The following C1orf159 variants were observed in gnomAD, a reference collection of about 807,000 sequenced individuals.
The protein encoded by C1orf159 is chromosome 1 open reading frame 159.
In C1orf159, 19 loss-of-function variants were observed where a neutral mutation model predicts 25.6. The observed-to-expected ratio is 0.74, with a 90% CI of 0.52 to 1.09. The LOEUF is 1.09. Among genes scored for constraint, C1orf159 ranks in the 50% least tolerant of loss-of-function variants. C1orf159 has a pLI of 0.00. For missense variants in C1orf159, 274 were observed against 290.6 expected (o/e 0.94, Z 0.42); for synonymous variants, 139 against 124.7 (o/e 1.12, Z -0.77).
intron 4 of C1orf159, among the ~76,000 whole-genome samples, chr1:1,088,890 C>CTCAG (rs1021108784): frequency 2.6e-5 from 4 of 152,226 alleles, no homozygotes; most frequent in African/African-American, 9.6e-5. Flanking sequence ...AGTCCACCCG[C>CTCAG]TCAGTCCTAC....
intron 1 of C1orf159, among the ~76,000 whole-genome samples, chr1:1,094,201 G>A (rs1173116753): frequency 1.3e-5 from 2 of 150,466 alleles, no homozygotes; most frequent in African/African-American, 2.5e-5. Flanking sequence ...GGGCTTACGC[G>A]ATACTCCTAC....
At chr1:1,095,671 C>T (rs1646000212) in intron 1 of C1orf159, among the ~76,000 whole-genome samples, 6 of 152,078 alleles carry the variant, frequency 3.9e-5, no homozygotes. Context: ...TTTTTTCTTA[C>T]CTTATTGCAG....
Position 1,087,608 on chromosome 1 carries a change from C to T in C1orf159, c.149-11G>A. The T allele has an allele frequency of 6.5e-7, 1 of 1,538,756 alleles. No homozygotes were observed. Among genetic ancestry groups the T allele is most frequent in the Non-Finnish European group, 8.8e-7 (1 of 1,142,704 alleles). Reference sequence around the variant, plus strand: ...AGCGCCTGTAACAGCCTGCGTGGGGCAGAGGACGGGCATGTCAGCCAAAGC... The same window carrying T: ...AGCGCCTGTAACAGCCTGCGTGGGGTAGAGGACGGGCATGTCAGCCAAAGC... On this transcript the variant is annotated splice_polypyrimidine_tract_variant and intron_variant, in intron 4 of 9. Transcript: ENST00000421241. The surrounding 1 kb of genome is among the most constrained non-coding windows in gnomAD (Gnocchi z 8.3).
chr1:1,089,919 C>T lies in C1orf159; in HGVS notation c.148+434G>A, dbSNP rs150978024. 1.9e-3 allele frequency among the ~76,000 whole-genome samples: 291 copies of T among 152,336 alleles called. No homozygotes were observed. The highest frequency in any genetic ancestry group is 5.2e-3 in the African/African-American group (215 of 41,580). On this transcript the variant is annotated intron_variant, in intron 4 of 9. Coordinates refer to ENST00000421241, the MANE Select transcript of C1orf159 (RefSeq NM_017891.5). This position sits in a 1 kb window ranked among gnomAD's most constrained non-coding sequence, Gnocchi z 7.5. ...GCACGCTGACACAGGCCGGCATCCT[C>T]GTGGCGTCCTGTTGATTGGCATTCC...
chr1:1,114,371 G>A (rs1646305167), intron 1 of C1orf159, among the ~76,000 whole-genome samples: 2 of 152,246 alleles, frequency 1.3e-5, no homozygotes, highest in South Asian at 2.1e-4. Context: ...TAGAGACGAG[G>A]TCTCCCTATG....
rs1247566196 is a variant in C1orf159, at chr1:1,087,882, C to A, written c.149-285G>T. Among the ~76,000 whole-genome samples, 1 of 150,588 alleles carries A rather than the reference C, an allele frequency of 6.6e-6. No individual in the cohort carries two copies. Among genetic ancestry groups the A allele is most frequent in the Non-Finnish European group, 1.5e-5 (1 of 67,288 alleles). Reference sequence around the variant, plus strand: ...CCGAGCACCCCGGCCCCGAGTACTCCACGCTGCACTCTCCACGCCGAGCAC... The same window carrying A: ...CCGAGCACCCCGGCCCCGAGTACTCAACGCTGCACTCTCCACGCCGAGCAC... On this transcript the variant is annotated intron_variant, in intron 4 of 9. Coordinates refer to ENST00000421241, the MANE Select transcript of C1orf159 (RefSeq NM_017891.5). The surrounding 1 kb of genome is among the most constrained non-coding windows in gnomAD (Gnocchi z 8.3).
chr1:1,087,677 G>T lies in C1orf159; in HGVS notation c.149-80C>A. On this transcript the variant is annotated intron_variant, in intron 4 of 9. Coordinates refer to ENST00000421241, the MANE Select transcript of C1orf159 (RefSeq NM_017891.5). This position sits in a 1 kb window ranked among gnomAD's most constrained non-coding sequence, Gnocchi z 8.3. ...GTCTCCTGGGAATGATTCTCTATTT[G>T]AGTTGGTGAGATAACTTTCATTCCA... 1 of 1,040,986 alleles carries T rather than the reference G, an allele frequency of 9.6e-7. No homozygotes were observed. The highest frequency in any genetic ancestry group is 1.5e-5 in the South Asian group (1 of 67,348). The allele number at this position is 1,040,986 out of a possible 1,614,324, so 64.5% of individuals were successfully genotyped here. A position where few individuals can be genotyped will look rare whatever the true frequency, so the allele number is the denominator to read the frequency against.
chr1:1,111,077 G>T (rs1188610573), intron 1 of C1orf159, among the ~76,000 whole-genome samples: 1 of 152,162 alleles, frequency 6.6e-6, no homozygotes, highest in African/African-American at 2.4e-5. Context: ...TGTAAATTAT[G>T]CCTTAGTAAC....
At position 1,087,607 on chromosome 1, in the gene C1orf159, G is replaced by T; in HGVS notation, c.149-10C>A. On this transcript the variant is annotated splice_polypyrimidine_tract_variant and intron_variant, in intron 4 of 9. Coordinates refer to ENST00000421241, the MANE Select transcript of C1orf159 (RefSeq NM_017891.5). This position sits in a 1 kb window ranked among gnomAD's most constrained non-coding sequence, Gnocchi z 8.3. ...CAGCGCCTGTAACAGCCTGCGTGGG[G>T]CAGAGGACGGGCATGTCAGCCAAAG... The T allele has an allele frequency of 6.5e-7, 1 of 1,538,762 alleles. No homozygotes were observed.
At chr1:1,091,045 ACC>A in intron 3 of C1orf159, 3 of 1,360,456 alleles carry the variant, frequency 2.2e-6, no homozygotes, top group Admixed American at 4.1e-5. Context: ...TAGAATCCAC[ACC>A]GCCAGGGAGG....
chr1:1,083,988 G>A (rs773647095), intron 9 of C1orf159: 26 of 1,604,800 alleles, frequency 1.6e-5, no homozygotes, highest in East Asian at 6.7e-5. Flanking sequence ...GGCGGAGGCC[G>A]GCTGCGTCTG....
In C1orf159 at chr1:1,087,750, C is replaced by A; in HGVS notation, c.149-153G>T. On this transcript the variant is annotated intron_variant, in intron 4 of 9. Coordinates refer to ENST00000421241, the MANE Select transcript of C1orf159 (RefSeq NM_017891.5). The surrounding 1 kb of genome is among the most constrained non-coding windows in gnomAD (Gnocchi z 8.3). ...TAGGTGGGCGGCAGACAAGGACACC[C>A]CCAGGGAGCATGGCGGGGCCGTGAG... 1 of 640,648 alleles carries A rather than the reference C, an allele frequency of 1.6e-6. No homozygotes were observed. The allele number at this position is 640,648 out of a possible 1,614,324, so 39.7% of individuals were successfully genotyped here. A position where few individuals can be genotyped will look rare whatever the true frequency, so the allele number is the denominator to read the frequency against.
At chr1:1,108,785 G>A (rs1324979162) in intron 1 of C1orf159, among the ~76,000 whole-genome samples, 2 of 66,054 alleles carry the variant, frequency 3.0e-5, no homozygotes, top group Admixed American at 1.5e-4. Flanking sequence ...ACCATGTCTC[G>A]GCACCGTTCA....
At position 1,088,975 on chromosome 1, in the gene C1orf159, G is replaced by A. The variant is rs547039483; in HGVS notation, c.148+1378C>T. On this transcript the variant is annotated intron_variant, in intron 4 of 9. Transcript: ENST00000421241. ...GCATCTCCTGGCACAGGGCTCGGGC[G>A]ACTTCAGCGAGGCTCTGTCTGAGAG... Among the ~76,000 whole-genome samples, 7 of 152,324 alleles carry A rather than the reference G, an allele frequency of 4.6e-5. No homozygotes were observed. The South Asian group carries it at 1.2e-3, about 27-fold the overall frequency.
intron 2 of C1orf159, 199 bp from the exon 3 acceptor site, chr1:1,091,764 G>A (rs1275686428): frequency 2.4e-6 from 1 of 408,598 alleles, no homozygotes; most frequent in African/African-American, 2.2e-5. Flanking sequence ...GTGGAGGGTG[G>A]GGCCAAATGG....
At chr1:1,085,441 G>A (rs557029314) in intron 7 of C1orf159, 93 of 288,546 alleles carry the variant, frequency 3.2e-4, no homozygotes, top group African/African-American at 1.7e-3. Context: ...TGTGTACGGC[G>A]TGGCGTAGGC....
At chr1:1,090,953 T>C (rs1375825771) in intron 3 of C1orf159, 4 of 1,550,328 alleles carry the variant, frequency 2.6e-6, no homozygotes. Context: ...TCAGCTTGTG[T>C]GTTGATCACA....
chr1:1,084,440 G>A lies in C1orf159; in HGVS notation c.471+41C>T, dbSNP rs766188710. 4 of 1,578,366 alleles carry A rather than the reference G, an allele frequency of 2.5e-6. No individual in the cohort carries two copies. In the South Asian group the frequency reaches 3.4e-5, roughly 14 times the overall value. On this transcript the variant is annotated intron_variant, in intron 8 of 9. Transcript: ENST00000421241. ...TCGGGATGGCCTGGCACAGGCACACGCGGCCAGGGACGCTCAGCCCGGATG... is the reference window on the plus strand; with the variant it reads ...TCGGGATGGCCTGGCACAGGCACACACGGCCAGGGACGCTCAGCCCGGATG...
At chr1:1,098,697 C>T (rs930002088) in intron 1 of C1orf159, among the ~76,000 whole-genome samples, 7 of 152,102 alleles carry the variant, frequency 4.6e-5, no homozygotes, top group South Asian at 2.1e-4. Flanking sequence ...CGGGTCACTC[C>T]GTCTTTTGGG....
Sources: allele counts gnomAD v4.1 joint callset (sites outside exome capture counted in the v4.1 genomes callset), GRCh38; gene constraint gnomAD v4.1.1; non-coding constraint Gnocchi (gnomAD v3.1); transcripts MANE v1.5; gene names NCBI Gene and HGNC (gene_info 2026-07-23, HGNC 2026-07-21).